The following CCSER1 variants were observed in gnomAD, a reference collection of about 807,000 sequenced individuals.
CCSER1 encodes the protein coiled-coil serine rich protein 1.
A neutral mutation model predicts 82.0 loss-of-function variants in CCSER1; 41 were observed. That is an observed-to-expected ratio of 0.50 (90% confidence interval 0.39 to 0.65). The LOEUF is 0.65. CCSER1 is among the 30% of genes least tolerant of loss of function. The pLI is 0.00. For missense variants in CCSER1, 1,119 were observed against 1,064.2 expected (o/e 1.05, Z -0.72); for synonymous variants, 414 against 383.9 (o/e 1.08, Z -0.92).
rs182337734 is a variant in CCSER1, at chr4:91,382,606, A to T, written c.2218-215966A>T. ...CCTGATTTTCCAGGTGCCATCTGCC[A>T]CAGCTTCCCTTGGCTAGGAAAGGGA... is the stretch of plus-strand genomic sequence containing the variant. On this transcript the variant is annotated intron_variant, in intron 10 of 10. Coordinates refer to ENST00000509176, the MANE Select transcript of CCSER1 (RefSeq NM_001145065.2). Among the ~76,000 whole-genome samples, 3 of 152,294 alleles carry T rather than the reference A, an allele frequency of 2.0e-5. No homozygotes were observed. The East Asian group carries it at 5.8e-4, about 29-fold the overall frequency.
At chr4:91,442,221 A>T (rs1755217091) in intron 10 of CCSER1, among the ~76,000 whole-genome samples, 1 of 151,650 alleles carries the variant, frequency 6.6e-6, no homozygotes, top group African/African-American at 2.4e-5. Context: ...ACTTCAAACT[A>T]TTCTACAAGG....
chr4:90,297,443 G>C (rs1347161858), intron 1 of CCSER1, among the ~76,000 whole-genome samples: 1 of 151,838 alleles, frequency 6.6e-6, no homozygotes, highest in Non-Finnish European at 1.5e-5. Context: ...CTGCAAACAG[G>C]GACAGTTTGA....
chr4:90,603,823 G>T (rs1428798695), intron 5 of CCSER1, among the ~76,000 whole-genome samples: 1 of 152,160 alleles, frequency 6.6e-6, no homozygotes, highest in Admixed American at 6.5e-5. Context: ...AACCCTGTTT[G>T]TAGATGATTT....
At chr4:91,568,424 G>A (rs553245243) in intron 10 of CCSER1, among the ~76,000 whole-genome samples, 100 of 152,088 alleles carry the variant, frequency 6.6e-4, no homozygotes, top group South Asian at 1.7e-3. Flanking sequence ...TTTCATGGAC[G>A]ATATCCTGAA....
In CCSER1 at chr4:91,544,731, G is replaced by C. The variant is rs368568404; in HGVS notation, c.2218-53841G>C. ...TGTCAGTCTGCCCCTACTGGGGGGT[G>C]CCTCCCAGTTAGGCTACTCGGGGGT... On this transcript the variant is annotated intron_variant, in intron 10 of 10. Coordinates refer to ENST00000509176, the MANE Select transcript of CCSER1 (RefSeq NM_001145065.2). Among the ~76,000 whole-genome samples the C allele has an allele frequency of 1.2e-4, 19 of 152,224 alleles. No individual in the cohort carries two copies. The South Asian group carries it at 2.5e-3, about 20-fold the overall frequency.
At chr4:91,415,682 A>G (rs1257713281) in intron 10 of CCSER1, among the ~76,000 whole-genome samples, 1 of 151,910 alleles carries the variant, frequency 6.6e-6, no homozygotes, top group African/African-American at 2.4e-5. Context: ...TGGTTTCTGT[A>G]TTTATTTCGT....
intron 5 of CCSER1, among the ~76,000 whole-genome samples, chr4:90,595,024 G>T (rs181562611): frequency 1.3e-5 from 2 of 151,976 alleles, no homozygotes; most frequent in South Asian, 2.1e-4. Flanking sequence ...CTAATTATTT[G>T]ATTTCATCGA....
intron 10 of CCSER1, among the ~76,000 whole-genome samples, chr4:91,438,780 G>T (rs1453533252): frequency 1.3e-5 from 2 of 152,166 alleles, no homozygotes; most frequent in Admixed American, 1.3e-4. Flanking sequence ...ACAGAGAAGT[G>T]CTTAAAGGAG....
intron 3 of CCSER1, among the ~76,000 whole-genome samples, chr4:90,332,208 G>A (rs111919710): frequency 0.019 from 2,936 of 151,592 alleles, 70 homozygotes; most frequent in African/African-American, 0.06. Flanking sequence ...ATGCCACGTC[G>A]CTACAGTTTT....
intron 6 of CCSER1, among the ~76,000 whole-genome samples, chr4:90,656,946 A>G (rs1269668598): frequency 6.6e-6 from 1 of 151,944 alleles, no homozygotes; most frequent in Non-Finnish European, 1.5e-5. Context: ...TTACATCTTC[A>G]GTTATGTATT....
chr4:91,545,796 T>A (rs1761860627), intron 10 of CCSER1, among the ~76,000 whole-genome samples: 1 of 152,258 alleles, frequency 6.6e-6, no homozygotes, highest in African/African-American at 2.4e-5. Context: ...CTTATTTTGT[T>A]GCATTAGTAG....
Position 91,602,190 on chromosome 4 carries a change from T to C in CCSER1, c.*3133T>C, listed in dbSNP as rs1347174388. Among the ~76,000 whole-genome samples, 1 of 152,052 alleles carries C rather than the reference T, an allele frequency of 6.6e-6. No homozygotes were observed. Among genetic ancestry groups the C allele is most frequent in the African/African-American group, 2.4e-5 (1 of 41,450 alleles). On this transcript the variant is annotated 3_prime_UTR_variant, in exon 11 of 11. Coordinates refer to ENST00000509176, the MANE Select transcript of CCSER1 (RefSeq NM_001145065.2). ...GTAAGCCAATATTAATTTGTAGGCA[T>C]AGTTGCCCCACTTAAAGTGTTTACA...
chr4:91,458,582 T>C (rs1756328905), intron 10 of CCSER1, among the ~76,000 whole-genome samples: 1 of 152,160 alleles, frequency 6.6e-6, no homozygotes, highest in African/African-American at 2.4e-5. Flanking sequence ...TTGATAAGAG[T>C]TGTACTGAAT....
At chr4:91,304,125 C>T (rs944319888) in intron 10 of CCSER1, among the ~76,000 whole-genome samples, 16 of 151,784 alleles carry the variant, frequency 1.1e-4, no homozygotes, top group South Asian at 4.1e-4. Context: ...GTGATCTTGC[C>T]GACTAAATTG....
chr4:91,576,484 G>T (rs1004798080), intron 10 of CCSER1, among the ~76,000 whole-genome samples: 1 of 152,094 alleles, frequency 6.6e-6, no homozygotes, highest in Middle Eastern at 3.4e-3. Flanking sequence ...GCATACCCTA[G>T]TGACTATGTT....
chr4:90,238,684 A>G (rs1336019109), intron 1 of CCSER1, among the ~76,000 whole-genome samples: 3 of 152,060 alleles, frequency 2.0e-5, no homozygotes, highest in East Asian at 3.8e-4. Context: ...ACACACATAC[A>G]TCTGAAAGAA....
intron 10 of CCSER1, among the ~76,000 whole-genome samples, chr4:91,414,602 C>A (rs900054072): frequency 6.6e-6 from 1 of 151,976 alleles, no homozygotes; most frequent in African/African-American, 2.4e-5. Context: ...ATTAAATTCT[C>A]CAATCAAAAG....
In CCSER1 at chr4:90,879,538, AAGAAAGAAGAAGAAGAGG is replaced by A. The variant is rs1267252572; in HGVS notation, c.2095-43830_2095-43813del. Among the ~76,000 whole-genome samples, 342 of 116,070 alleles carry A rather than the reference AAGAAAGAAGAAGAAGAGG, an allele frequency of 2.9e-3. 1 individual carries two copies. The highest frequency in any genetic ancestry group is 7.3e-3 in the South Asian group (27 of 3,712). The allele number at this position is 116,070 out of a possible 152,430, so 76.1% of individuals were successfully genotyped here. On this transcript the variant is annotated intron_variant, in intron 8 of 10. Transcript: ENST00000509176. ...GAAGAGGAAGAGGAAGAGGAAGAAGAAGAAAGAAGAAGAAGAGGAAGAAGAAGAAGAGGAAGAAGAAGA... is the reference window on the plus strand; with the variant it reads ...GAAGAGGAAGAGGAAGAGGAAGAAGAAAGAAGAAGAAGAGGAAGAAGAAGA...
rs1202159163 is a variant in CCSER1, at chr4:90,406,687, A to G, written c.1603+6558A>G. Among the ~76,000 whole-genome samples the G allele has an allele frequency of 2.6e-5, 4 of 152,202 alleles. No homozygotes were observed. In the East Asian group the frequency reaches 7.7e-4, roughly 29 times the overall value. On this transcript the variant is annotated intron_variant, in intron 4 of 10. Transcript: ENST00000509176. ...AGAGCACAGTGGAATAAAATTGGAA[A>G]TCAACTCCAAAAGGAATCTTCAAAA...
Sources: allele counts gnomAD v4.1 joint callset (sites outside exome capture counted in the v4.1 genomes callset), GRCh38; gene constraint gnomAD v4.1.1; transcripts MANE v1.5; gene names NCBI Gene and HGNC (gene_info 2026-07-23, HGNC 2026-07-21).